PIP4K2A: variants seen among roughly 807,000 people sequenced by gnomAD.
PIP4K2A encodes phosphatidylinositol 5-phosphate 4-kinase type-2 alpha.
A neutral mutation model predicts 42.9 loss-of-function variants in PIP4K2A; 14 were observed. The ratio of observed to expected loss-of-function variants is 0.33; its 90% CI spans 0.22 to 0.51. The LOEUF (loss-of-function observed/expected upper bound fraction) is 0.51. PIP4K2A is among the 20% of genes least tolerant of loss of function. The pLI, the probability that PIP4K2A is intolerant of heterozygous loss-of-function variation, is 0.97. For missense variants in PIP4K2A, 434 were observed against 519.8 expected, an observed-to-expected ratio of 0.83 and a Z score of 1.61; for synonymous variants, 192 against 192.2, an observed-to-expected ratio of 1.00 and a Z score of 0.01.
At chr10:22,570,752 A>C (rs1003623731) in intron 5 of PIP4K2A, among the ~76,000 whole-genome samples, 1 of 152,230 alleles carries the variant, frequency 6.6e-6, no homozygotes, top group African/African-American at 2.4e-5. Flanking sequence ...TTGTATAAAT[A>C]ATGCAAAAAC....
chr10:22,590,406 G>T (rs572992715), intron 4 of PIP4K2A, among the ~76,000 whole-genome samples: 2 of 152,126 alleles, frequency 1.3e-5, no homozygotes, highest in South Asian at 4.1e-4. Context: ...TTATACCATG[G>T]ATGTTATCTT....
intron 1 of PIP4K2A, among the ~76,000 whole-genome samples, chr10:22,680,183 T>A (rs1310443709): frequency 4.6e-5 from 7 of 152,124 alleles, no homozygotes; most frequent in African/African-American, 1.7e-4. Flanking sequence ...GATTTTTAAA[T>A]CCACTTAAAT....
At chr10:22,604,366 T>C (rs7921485) in intron 3 of PIP4K2A, among the ~76,000 whole-genome samples, 4,037 of 152,102 alleles carry the variant, frequency 0.027, 185 homozygotes, top group African/African-American at 0.093. Flanking sequence ...TTTTCAGGTG[T>C]AGCAAAAAGG....
chr10:22,687,832 T>G (rs1330862519), intron 1 of PIP4K2A, among the ~76,000 whole-genome samples: 1 of 152,150 alleles, frequency 6.6e-6, no homozygotes, highest in Non-Finnish European at 1.5e-5. Flanking sequence ...TATTATTTGT[T>G]TTTCTCCCAA....
intron 1 of PIP4K2A, among the ~76,000 whole-genome samples, chr10:22,635,660 G>A (rs920874082): frequency 2.6e-5 from 4 of 152,150 alleles, no homozygotes; most frequent in South Asian, 4.1e-4. Flanking sequence ...GTGCCAGGCC[G>A]AGTTCTGTGG....
chr10:22,573,423 G>A lies in PIP4K2A; in HGVS notation c.527C>T (p.Pro176Leu). 6.2e-7 allele frequency: 1 copy of A among 1,613,958 alleles called. No homozygotes were observed. Among genetic ancestry groups the A allele is most frequent in the Non-Finnish European group, 8.5e-7 (1 of 1,179,874 alleles). Residue 176 changes from proline to leucine, a missense_variant, in exon 5 of 10, where the codon CCC becomes CTC. Physicochemically the swap from Pro to Leu is moderately conservative, Grantham distance 98. Around this residue, in one of 2 missense-constraint regions of PIP4K2A, gnomAD observed 395 missense variants for 444.5 expected, o/e 0.89. Transcript: ENST00000376573. Reference sequence around the variant, plus strand: ...AAGCCGGTACATGCCCAAGAACTGGGGAAGAAGGGTGATCCCATGACATTC... The same window carrying A: ...AAGCCGGTACATGCCCAAGAACTGGAGAAGAAGGGTGATCCCATGACATTC... ...IVECHGITLL[P>L]QFLGMYRLNV...
chr10:22,596,093 T>A (rs1363214437), intron 3 of PIP4K2A, among the ~76,000 whole-genome samples: 1 of 148,620 alleles, frequency 6.7e-6, no homozygotes, highest in Non-Finnish European at 1.5e-5. Flanking sequence ...TAATCCCAGC[T>A]ACTCGGGAGG....
chr10:22,580,149 G>T (rs1192537626), intron 4 of PIP4K2A, among the ~76,000 whole-genome samples: 1 of 151,564 alleles, frequency 6.6e-6, no homozygotes, highest in Non-Finnish European at 1.5e-5. Flanking sequence ...TGCATGACGG[G>T]GACTCCCAAT....
intron 4 of PIP4K2A, among the ~76,000 whole-genome samples, chr10:22,574,437 A>G (rs1470584948): frequency 3.3e-4 from 11 of 32,972 alleles, no homozygotes; most frequent in Admixed American, 1.3e-3. Context: ...TGAATTTTTC[A>G]TTTTCTGTTT....
rs543478012 is a variant in PIP4K2A at position 22,594,464 on chromosome 10, T to C, written c.340-2683A>G. 4.5e-4 allele frequency among the ~76,000 whole-genome samples: 68 copies of C among 152,344 alleles called. 1 individual carries two copies. The East Asian group carries it at 0.012, about 28-fold the overall frequency. On this transcript the variant is annotated intron_variant, in intron 3 of 9. Transcript: ENST00000376573. ...AGGCTGGAGTACAGTGGTGCGATCTTGGCTCACTGCAGCCTTGATCTCCTG... is the reference window on the plus strand; with the variant it reads ...AGGCTGGAGTACAGTGGTGCGATCTCGGCTCACTGCAGCCTTGATCTCCTG...
At chr10:22,542,673 C>T (rs966783626) in intron 7 of PIP4K2A, among the ~76,000 whole-genome samples, 31 of 152,220 alleles carry the variant, frequency 2.0e-4, no homozygotes, top group African/African-American at 7.5e-4. Context: ...GTGGCTAGAA[C>T]ATAATGTGGG....
intron 1 of PIP4K2A, among the ~76,000 whole-genome samples, chr10:22,644,863 C>T (rs891413873): frequency 1.3e-5 from 2 of 152,130 alleles, no homozygotes; most frequent in African/African-American, 4.8e-5. Flanking sequence ...AACCAAGTCA[C>T]CATTATTTGT....
At position 22,664,090 on chromosome 10, in the gene PIP4K2A, C is replaced by CAT. The variant is rs71992190; in HGVS notation, c.144+50091_144+50092dup. Among the ~76,000 whole-genome samples, 65 of 64,028 alleles carry CAT rather than the reference C, an allele frequency of 1.0e-3. 1 individual carries two copies. Among genetic ancestry groups the CAT allele is most frequent in the South Asian group, 2.2e-3 (6 of 2,686 alleles). 42.0% of individuals were successfully genotyped at this position (64,028 alleles called of 152,430 possible). ...ATATATATATACGTATATATATATA[C>CAT]ATATATATATATACATATATATATA... On this transcript the variant is annotated intron_variant, in intron 1 of 9. Transcript: ENST00000376573.
chr10:22,544,496 A>G (rs1394276294), intron 7 of PIP4K2A, among the ~76,000 whole-genome samples: 2 of 151,708 alleles, frequency 1.3e-5, no homozygotes, highest in Non-Finnish European at 2.9e-5. Flanking sequence ...CTCTCTCTCT[A>G]CACCTGGAAG....
intron 1 of PIP4K2A, among the ~76,000 whole-genome samples, chr10:22,626,621 T>C (rs568390314): frequency 6.6e-6 from 1 of 152,002 alleles, no homozygotes; most frequent in Admixed American, 6.5e-5. Context: ...TTAGCACACC[T>C]ATATTCCATC....
chr10:22,551,362 T>G (rs1836406898), intron 6 of PIP4K2A, among the ~76,000 whole-genome samples: 1 of 152,176 alleles, frequency 6.6e-6, no homozygotes, highest in South Asian at 2.1e-4. Flanking sequence ...CTCTTCTCAT[T>G]TGGACAATAT....
chr10:22,545,230 A>G (rs1836231835), intron 7 of PIP4K2A, among the ~76,000 whole-genome samples: 2 of 152,242 alleles, frequency 1.3e-5, no homozygotes, highest in Non-Finnish European at 2.9e-5. Context: ...CAACAAAGCA[A>G]CAACAGAAAA....
rs1317466504 is a variant in PIP4K2A, at chr10:22,608,433, AC to A, written c.243-411del. On this transcript the variant is annotated intron_variant, in intron 2 of 9. Coordinates refer to ENST00000376573, the MANE Select transcript of PIP4K2A (RefSeq NM_005028.5). The stretch of plus-strand genomic sequence containing the variant: ...CTGAGGAAAGGAGGGCCACTCCCTC[AC>A]CCCCCTAAAAGGCCTGTTTTATATA... Among the ~76,000 whole-genome samples, 3 of 152,222 alleles carry A rather than the reference AC, an allele frequency of 2.0e-5. No individual in the cohort carries two copies. The East Asian group carries it at 5.8e-4, about 29-fold the overall frequency.
chr10:22,699,675 C>CA (rs1454465692), intron 1 of PIP4K2A, among the ~76,000 whole-genome samples: 12 of 151,962 alleles, frequency 7.9e-5, no homozygotes, highest in Admixed American at 5.9e-4. Context: ...TCCTTGGAAA[C>CA]AAAAAAACCA....
Sources: allele counts gnomAD v4.1 joint callset (sites outside exome capture counted in the v4.1 genomes callset), GRCh38; gene constraint gnomAD v4.1.1; regional missense constraint gnomAD v4.1.1; transcripts MANE v1.5; gene names NCBI Gene and HGNC (gene_info 2026-07-23, HGNC 2026-07-21).